The following CHODL variants were observed in gnomAD, a reference collection of about 807,000 sequenced individuals.
The protein encoded by CHODL is chondrolectin.
Under a neutral mutation model 34.5 loss-of-function variants are expected in CHODL, and 29 were observed. The observed-to-expected ratio is 0.84, with a 90% CI of 0.63 to 1.15. The LOEUF (loss-of-function observed/expected upper bound fraction) is 1.15, where lower values mean the gene tolerates loss of function less well. CHODL is among the 50% of genes most tolerant of loss of function. The pLI, the probability that CHODL is intolerant of heterozygous loss-of-function variation, is 0.00. For missense variants in CHODL, 332 were observed against 332.5 expected (o/e 1.00, Z 0.01); for synonymous variants, 125 against 116.1 (o/e 1.08, Z -0.49).
chr21:18,134,205 A>G, intron 2 of CHODL: 1 of 431,898 alleles, frequency 2.3e-6, no homozygotes, highest in Non-Finnish European at 4.7e-6. Context: ...CACCTTCATG[A>G]TGAGGTTACC....
intron 1 of CHODL, among the ~76,000 whole-genome samples, chr21:17,925,044 T>G (rs541349318): frequency 6.6e-6 from 1 of 152,228 alleles, no homozygotes; most frequent in South Asian, 2.1e-4. Context: ...CACTGGAAGT[T>G]TAGGTTAAAG....
chr21:18,258,401 T>C (rs1342259334), intron 3 of CHODL, among the ~76,000 whole-genome samples: 3 of 152,190 alleles, frequency 2.0e-5, no homozygotes, highest in Admixed American at 6.5e-5. Flanking sequence ...ATATTATGCA[T>C]TATTCTTAAT....
upstream of CHODL, among the ~76,000 whole-genome samples, chr21:18,243,480 T>C (rs957737078): frequency 5.9e-5 from 9 of 152,190 alleles, no homozygotes; most frequent in African/African-American, 2.2e-4. Context: ...TGAATTAGTG[T>C]TTTTAAAGGG....
chr21:17,998,962 A>G (rs1408817700), intron 1 of CHODL, among the ~76,000 whole-genome samples: 2 of 152,266 alleles, frequency 1.3e-5, no homozygotes, highest in African/African-American at 4.8e-5. Flanking sequence ...TTTCTCCTCA[A>G]AAAATGGGTT....
intron 2 of CHODL, among the ~76,000 whole-genome samples, chr21:18,185,992 G>C (rs1443257929): frequency 6.6e-6 from 1 of 152,048 alleles, no homozygotes; most frequent in Non-Finnish European, 1.5e-5. Context: ...TGAATTTTGA[G>C]GGTGAGGAGG....
At chr21:17,984,827 T>G (rs899506488) in intron 1 of CHODL, among the ~76,000 whole-genome samples, 2 of 152,160 alleles carry the variant, frequency 1.3e-5, no homozygotes, top group African/African-American at 4.8e-5. Flanking sequence ...TTTCAGGAAA[T>G]TGAATTTATT....
intron 2 of CHODL, among the ~76,000 whole-genome samples, chr21:18,145,419 G>A (rs2072867342): frequency 7.9e-6 from 1 of 126,948 alleles, no homozygotes; most frequent in South Asian, 2.8e-4. Flanking sequence ...CCTAGGGGAC[G>A]AGTGAGACTA....
intron 2 of CHODL, among the ~76,000 whole-genome samples, chr21:18,231,886 C>T (rs560901748): frequency 4.0e-5 from 6 of 151,534 alleles, no homozygotes; most frequent in Non-Finnish European, 5.9e-5. Flanking sequence ...GGGTAGTTAC[C>T]GCTGGAGAAA....
At chr21:18,104,497 AGT>A (rs985605096) in intron 2 of CHODL, among the ~76,000 whole-genome samples, 1 of 152,176 alleles carries the variant, frequency 6.6e-6, no homozygotes, top group African/African-American at 2.4e-5. Context: ...TAAATTTCCC[AGT>A]CTCAGGCACT....
intron 2 of CHODL, among the ~76,000 whole-genome samples, chr21:18,065,398 A>G (rs1328648269): frequency 6.6e-6 from 1 of 152,216 alleles, no homozygotes; most frequent in African/African-American, 2.4e-5. Context: ...AAATGAGTGC[A>G]TAAAATACAT....
intron 2 of CHODL, among the ~76,000 whole-genome samples, chr21:18,220,846 G>C (rs576303693): frequency 6.6e-6 from 1 of 152,192 alleles, no homozygotes; most frequent in East Asian, 1.9e-4. Context: ...GTTTTTGACA[G>C]TTTGACTATA....
At chr21:18,178,934 A>C (rs890187600) in intron 2 of CHODL, among the ~76,000 whole-genome samples, 36 of 152,308 alleles carry the variant, frequency 2.4e-4, no homozygotes, top group African/African-American at 8.4e-4. Flanking sequence ...CTATTTGTTT[A>C]CTATGGGATT....
At chr21:18,043,227 G>A (rs539561518) in intron 2 of CHODL, among the ~76,000 whole-genome samples, 329 of 152,086 alleles carry the variant, frequency 2.2e-3, no homozygotes, top group African/African-American at 7.5e-3. Context: ...TGCAACCTGT[G>A]CAGTCGCACT....
rs112079583 is a variant in CHODL at position 18,193,703 on chromosome 21, A to AT, written c.-44-62806_-44-62805insT. Among the ~76,000 whole-genome samples, 136 of 145,990 alleles carry AT rather than the reference A, an allele frequency of 9.3e-4. 2 individuals are homozygous for AT. Among genetic ancestry groups the AT allele is most frequent in the African/African-American group, 3.3e-3 (129 of 38,702 alleles). On this transcript the variant is annotated intron_variant, in intron 2 of 6. Transcript: ENST00000400127. Reference sequence around the variant, plus strand: ...AGAGCAAGACTCTGTCTCAGAAAAAAAAAAAAATAAAATAAATAAATAAAT... The same window carrying AT: ...AGAGCAAGACTCTGTCTCAGAAAAAATAAAAAAATAAAATAAATAAATAAAT...
intron 2 of CHODL, among the ~76,000 whole-genome samples, chr21:18,135,952 CA>C (rs1356410693): frequency 6.6e-6 from 1 of 151,706 alleles, no homozygotes; most frequent in African/African-American, 2.4e-5. Flanking sequence ...ACTAAAAACA[CA>C]AAAATTACCT....
At position 18,027,205 on chromosome 21, in the gene CHODL, T is replaced by A. The variant is rs983762168; in HGVS notation, c.-144-667T>A. On this transcript the variant is annotated intron_variant, in intron 1 of 6. Transcript: ENST00000400127. Reference sequence around the variant, plus strand: ...GGAAGGATCACTTAAGGCCAGGAATTTGAGGCTGCAGTGAGCCATGATGGT... The same window carrying A: ...GGAAGGATCACTTAAGGCCAGGAATATGAGGCTGCAGTGAGCCATGATGGT... Among the ~76,000 whole-genome samples the A allele has an allele frequency of 8.5e-5, 13 of 152,216 alleles. No individual in the cohort carries two copies. In the South Asian group the frequency reaches 2.7e-3, roughly 32 times the overall value.
At chr21:18,230,879 AAAG>A (rs1260854832) in intron 2 of CHODL, among the ~76,000 whole-genome samples, 5 of 152,140 alleles carry the variant, frequency 3.3e-5, no homozygotes, top group Non-Finnish European at 7.4e-5. Context: ...GATGATTATA[AAAG>A]AAGTAAATAT....
chr21:17,946,605 G>A (rs1463720314), intron 1 of CHODL, among the ~76,000 whole-genome samples: 1 of 152,138 alleles, frequency 6.6e-6, no homozygotes, highest in East Asian at 1.9e-4. Context: ...GAGTGAATGT[G>A]TATTTATGAT....
intron 2 of CHODL, among the ~76,000 whole-genome samples, chr21:18,089,742 G>T (rs1193259635): frequency 1.3e-5 from 2 of 151,316 alleles, no homozygotes; most frequent in Non-Finnish European, 2.9e-5. Context: ...GAAATAAAAA[G>T]CTTTTAAACT....
Sources: allele counts gnomAD v4.1 joint callset (sites outside exome capture counted in the v4.1 genomes callset), GRCh38; gene constraint gnomAD v4.1.1; transcripts MANE v1.5; gene names NCBI Gene and HGNC (gene_info 2026-07-23, HGNC 2026-07-21).